The following GABRB3 variants were observed in gnomAD, a reference collection of about 807,000 sequenced individuals.
The protein encoded by GABRB3 is gamma-aminobutyric acid type A receptor subunit beta3.
In GABRB3, 14 loss-of-function variants were observed where a neutral mutation model predicts 52.1. That is an observed-to-expected ratio of 0.27 (90% CI 0.18 to 0.42). GABRB3 has a LOEUF of 0.42. Ranked by LOEUF, GABRB3 falls within the 10% of genes least tolerant of loss-of-function variation. The pLI is 1.00. For synonymous variants in GABRB3, 260 were observed against 232.3 expected (o/e 1.12, Z -1.08); for missense variants, 307 against 609.1 (o/e 0.50, Z 5.22).
Position 26,547,551 on chromosome 15 carries a change from G to A in GABRB3, c.*242C>T. 3.4e-6 allele frequency: 2 copies of A among 589,082 alleles called. No individual in the cohort carries two copies. Among genetic ancestry groups the A allele is most frequent in the East Asian group, 2.8e-5 (1 of 36,160 alleles). The allele number at this position is 589,082 out of a possible 1,614,324, so 36.5% of individuals were successfully genotyped here. ...AGCTGCAAAATGTATATATGTATGT[G>A]TATTTGTCTTCCATACACATGGGCA... On this transcript the variant is annotated 3_prime_UTR_variant, in exon 9 of 9. Coordinates refer to ENST00000311550, the MANE Select transcript of GABRB3 (RefSeq NM_000814.6).
At chr15:26,726,364 A>G (rs940447475) in intron 3 of GABRB3, among the ~76,000 whole-genome samples, 4 of 152,242 alleles carry the variant, frequency 2.6e-5, no homozygotes, top group Admixed American at 6.5e-5. Context: ...AAAATGATCA[A>G]AACCAGGACA....
intron 3 of GABRB3, among the ~76,000 whole-genome samples, chr15:26,631,449 C>T (rs1166372404): frequency 2.6e-5 from 4 of 152,186 alleles, no homozygotes; most frequent in African/African-American, 9.7e-5. Flanking sequence ...AATTTACCAT[C>T]CCTGAGAAAG....
intron 3 of GABRB3, among the ~76,000 whole-genome samples, chr15:26,670,280 G>T (rs992501391): frequency 6.6e-6 from 1 of 152,180 alleles, no homozygotes. Context: ...GAGAGGTAAG[G>T]GTAGGCGGGA....
At chr15:26,743,356 G>A (rs920157758) in intron 3 of GABRB3, among the ~76,000 whole-genome samples, 5 of 152,166 alleles carry the variant, frequency 3.3e-5, no homozygotes, top group Non-Finnish European at 1.5e-5. Flanking sequence ...ATTTCAGGTA[G>A]GAGTTGAATC....
intron 4 of GABRB3, among the ~76,000 whole-genome samples, chr15:26,620,213 C>T (rs147353863): frequency 3.9e-5 from 6 of 152,272 alleles, no homozygotes; most frequent in Admixed American, 2.0e-4. Context: ...AACACGATGG[C>T]TTGGTTGACA....
chr15:26,773,188 A>T (rs1163725800), upstream of GABRB3: 20 of 191,040 alleles, frequency 1.0e-4, no homozygotes, highest in Non-Finnish European at 3.0e-5. Context: ...GAGGCCGGAG[A>T]GTCGGAGGCG....
At chr15:26,764,868 C>G (rs540285862) in intron 3 of GABRB3, among the ~76,000 whole-genome samples, 1 of 152,122 alleles carries the variant, frequency 6.6e-6, no homozygotes, top group African/African-American at 2.4e-5. Context: ...CGGTGGCTCA[C>G]GCCTGTAATC....
chr15:26,569,006 G>A (rs1454250734), intron 6 of GABRB3, among the ~76,000 whole-genome samples: 1 of 152,036 alleles, frequency 6.6e-6, no homozygotes, highest in Admixed American at 6.6e-5. Context: ...ACTAGCAGGT[G>A]CCTTCTTTCT....
At chr15:26,753,002 G>A (rs1890558407) in intron 3 of GABRB3, among the ~76,000 whole-genome samples, 1 of 152,114 alleles carries the variant, frequency 6.6e-6, no homozygotes, top group African/African-American at 2.4e-5. Context: ...CTATTGTTCT[G>A]GCATTTTCTC....
chr15:26,734,711 G>A (rs139105966), intron 3 of GABRB3, among the ~76,000 whole-genome samples: 75 of 151,290 alleles, frequency 5.0e-4, no homozygotes, highest in Middle Eastern at 7.0e-3. Flanking sequence ...GCCAAGGGAG[G>A]AGGATTGCTT....
chr15:26,579,642 C>A (rs1750275878), intron 6 of GABRB3, among the ~76,000 whole-genome samples: 1 of 152,200 alleles, frequency 6.6e-6, no homozygotes, highest in Admixed American at 6.5e-5. Flanking sequence ...ATTTATTATA[C>A]CAATTACAAT....
At chr15:26,674,400 C>CCAAAAAAAAAA (rs1887995663) in intron 3 of GABRB3, among the ~76,000 whole-genome samples, 2 of 86,788 alleles carry the variant, frequency 2.3e-5, no homozygotes, top group Non-Finnish European at 4.2e-5. Context: ...GACTCAGTTT[C>CCAAAAAAAAAA]AAAAAAAAAA....
intron 3 of GABRB3, among the ~76,000 whole-genome samples, chr15:26,693,603 A>G (rs911229138): frequency 6.6e-6 from 1 of 152,168 alleles, no homozygotes; most frequent in Admixed American, 6.5e-5. Flanking sequence ...TTCTCACAAC[A>G]AGAAAAAAAA....
chr15:26,621,855 C>T lies in GABRB3; in HGVS notation c.241-321G>A, dbSNP rs1251928048. On this transcript the variant is annotated intron_variant, in intron 3 of 8. Transcript: ENST00000311550. The surrounding 1 kb of genome is among the most constrained non-coding windows in gnomAD (Gnocchi z 4.1). The stretch of plus-strand genomic sequence containing the variant: ...AAAAAGTCATCGTAAAATCAGGTTG[C>T]TGGCGGGGAACTAGATTGTTCCCAT... Among the ~76,000 whole-genome samples, 5 of 151,968 alleles carry T rather than the reference C, an allele frequency of 3.3e-5. No individual in the cohort carries two copies. The highest frequency in any genetic ancestry group is 1.2e-4 in the African/African-American group (5 of 41,380).
chr15:26,675,423 T>C (rs7164718), intron 3 of GABRB3, among the ~76,000 whole-genome samples: 74,703 of 151,972 alleles, frequency 0.49, 21,095 homozygotes, highest in Admixed American at 0.63. Context: ...ACCCCCTACC[T>C]TGTGTGTCTG....
chr15:26,678,994 C>T (rs1269976680), intron 3 of GABRB3, among the ~76,000 whole-genome samples: 1 of 152,076 alleles, frequency 6.6e-6, no homozygotes, highest in Non-Finnish European at 1.5e-5. Context: ...TCTGCAAAGA[C>T]CCACAGGGCA....
intron 3 of GABRB3, among the ~76,000 whole-genome samples, chr15:26,702,929 C>A (rs1888982407): frequency 6.6e-6 from 1 of 152,256 alleles, no homozygotes; most frequent in East Asian, 1.9e-4. Context: ...GCTGGAAAGT[C>A]CAAAATCAAG....
chr15:26,718,586 T>C (rs1595549820), intron 3 of GABRB3, among the ~76,000 whole-genome samples: 1 of 152,324 alleles, frequency 6.6e-6, no homozygotes, highest in Middle Eastern at 3.4e-3. Context: ...ATCTCAAGAT[T>C]AATATGATGC....
At chr15:26,566,150 T>G (rs1308939220) in intron 7 of GABRB3, among the ~76,000 whole-genome samples, 1 of 152,196 alleles carries the variant, frequency 6.6e-6, no homozygotes, top group African/African-American at 2.4e-5. Context: ...TTTAGAGAAC[T>G]GTGCTTATGA....
Sources: allele counts gnomAD v4.1 joint callset (sites outside exome capture counted in the v4.1 genomes callset), GRCh38; gene constraint gnomAD v4.1.1; non-coding constraint Gnocchi (gnomAD v3.1); transcripts MANE v1.5; gene names NCBI Gene and HGNC (gene_info 2026-07-23, HGNC 2026-07-21).